Variants in DLG2 observed in about 807,000 individuals in gnomAD.
DLG2 encodes the protein discs large MAGUK scaffold protein 2, also known as disks large homolog 2.
A neutral mutation model predicts 132.5 loss-of-function variants in DLG2; 45 were observed. The ratio of observed to expected loss-of-function variants is 0.34; its 90% CI spans 0.27 to 0.44. DLG2 has a LOEUF of 0.44. DLG2 is among the 20% of genes least tolerant of loss of function. The pLI is 1.00. For missense variants in DLG2, 1,045 were observed against 1,196.9 expected (o/e 0.87, Z 1.87); for synonymous variants, 424 against 419.6 (o/e 1.01, Z -0.13).
intron 8 of DLG2, among the ~76,000 whole-genome samples, chr11:84,227,492 A>G (rs2097018721): frequency 6.6e-6 from 1 of 152,190 alleles, no homozygotes; most frequent in Non-Finnish European, 1.5e-5. Context: ...CTTTAATCAC[A>G]GCATCTGTAA....
At chr11:84,456,171 G>A (rs1429840018) in intron 7 of DLG2, among the ~76,000 whole-genome samples, 3 of 151,184 alleles carry the variant, frequency 2.0e-5, no homozygotes, top group Non-Finnish European at 3.0e-5. Context: ...GAAGCTGCAT[G>A]GACCAAATTT....
intron 4 of DLG2, among the ~76,000 whole-genome samples, chr11:85,248,277 T>G (rs2152690371): frequency 6.6e-6 from 1 of 152,258 alleles, no homozygotes; most frequent in East Asian, 1.9e-4. Flanking sequence ...CATCATTTGG[T>G]TCTGATGTCA....
chr11:84,445,802 G>C (rs2099032287), intron 7 of DLG2, among the ~76,000 whole-genome samples: 1 of 151,474 alleles, frequency 6.6e-6, no homozygotes, highest in Non-Finnish European at 1.5e-5. Context: ...TGTAGTCCCA[G>C]CTGCTCGGGA....
At chr11:84,845,217 C>T (rs1394801606) in intron 6 of DLG2, among the ~76,000 whole-genome samples, 1 of 152,010 alleles carries the variant, frequency 6.6e-6, no homozygotes, top group African/African-American at 2.4e-5. Flanking sequence ...ATTTGGTTAT[C>T]CAATTTATCT....
chr11:85,459,659 G>A (rs1196453099), intron 3 of DLG2, among the ~76,000 whole-genome samples: 5 of 152,170 alleles, frequency 3.3e-5, no homozygotes, highest in Admixed American at 2.6e-4. Flanking sequence ...GCTGTAGTGT[G>A]CTGGAGATGC....
At chr11:84,009,119 C>G (rs552627819) in intron 11 of DLG2, among the ~76,000 whole-genome samples, 1 of 151,890 alleles carries the variant, frequency 6.6e-6, no homozygotes, top group Middle Eastern at 3.4e-3. Flanking sequence ...TTTGATTCCT[C>G]TAGCTTTTAA....
intron 3 of DLG2, among the ~76,000 whole-genome samples, chr11:85,536,719 C>T (rs1382412316): frequency 2.6e-5 from 4 of 152,224 alleles, no homozygotes; most frequent in Non-Finnish European, 5.9e-5. Flanking sequence ...CTCAGGGCAG[C>T]GGGCTGATGC....
intron 6 of DLG2, among the ~76,000 whole-genome samples, chr11:85,027,436 G>A (rs745957666): frequency 3.9e-5 from 6 of 152,130 alleles, no homozygotes; most frequent in South Asian, 2.1e-4. Flanking sequence ...GGCAGGCAGC[G>A]CCTTCTGCCT....
At chr11:84,863,702 G>C (rs1024866527) in intron 6 of DLG2, among the ~76,000 whole-genome samples, 5 of 152,094 alleles carry the variant, frequency 3.3e-5, no homozygotes, top group Admixed American at 3.3e-4. Context: ...GAGATAAAAT[G>C]GAAAGATAAA....
chr11:84,750,666 T>C (rs1179822336), intron 6 of DLG2, among the ~76,000 whole-genome samples: 1 of 152,192 alleles, frequency 6.6e-6, no homozygotes, highest in Non-Finnish European at 1.5e-5. Flanking sequence ...ATAGTCATCA[T>C]TTCCCAGTTT....
At chr11:84,601,641 A>G (rs2099576705) in intron 6 of DLG2, among the ~76,000 whole-genome samples, 1 of 152,126 alleles carries the variant, frequency 6.6e-6, no homozygotes, top group African/African-American at 2.4e-5. Flanking sequence ...TAAAGAATAT[A>G]TAGTGACAAA....
chr11:84,501,263 T>C (rs1236299954), intron 7 of DLG2, among the ~76,000 whole-genome samples: 1 of 152,202 alleles, frequency 6.6e-6, no homozygotes, highest in African/African-American at 2.4e-5. Flanking sequence ...GATTCTGAAA[T>C]GTTTACATAA....
At chr11:84,182,480 G>A in intron 8 of DLG2, among the ~76,000 whole-genome samples, 1 of 150,950 alleles carries the variant, frequency 6.6e-6, no homozygotes, top group East Asian at 1.9e-4. Context: ...AGTGAGCCCT[G>A]ATCATGCTAC....
chr11:83,795,138 GC>G (rs2042468383), intron 17 of DLG2, among the ~76,000 whole-genome samples: 1 of 152,118 alleles, frequency 6.6e-6, no homozygotes, highest in African/African-American at 2.4e-5. Context: ...CAGGCGCGGT[GC>G]TCACGCCTGT....
intron 11 of DLG2, among the ~76,000 whole-genome samples, chr11:84,040,723 T>C (rs1260536257): frequency 1.3e-5 from 2 of 150,546 alleles, no homozygotes; most frequent in East Asian, 2.0e-4. Flanking sequence ...TGGTTCCATA[T>C]GAACTTTAAA....
chr11:84,574,899 A>G (rs56293038), intron 6 of DLG2, among the ~76,000 whole-genome samples: 18,352 of 152,092 alleles, frequency 0.12, 1,199 homozygotes, highest in Admixed American at 0.16. Flanking sequence ...GCCATTAACC[A>G]GCATCTACCC....
chr11:84,652,088 A>G (rs187293657), intron 6 of DLG2, among the ~76,000 whole-genome samples: 4 of 152,336 alleles, frequency 2.6e-5, no homozygotes, highest in Middle Eastern at 6.8e-3. Context: ...TTATGAAAGA[A>G]GCTATAAAAC....
At chr11:85,612,447 A>T (rs1473731832) in intron 2 of DLG2, among the ~76,000 whole-genome samples, 1 of 152,234 alleles carries the variant, frequency 6.6e-6, no homozygotes, top group Non-Finnish European at 1.5e-5. Context: ...CAGAGTTAGG[A>T]AAATTGCCTA....
chr11:84,606,428 T>C (rs556889161), intron 6 of DLG2, among the ~76,000 whole-genome samples: 1 of 152,298 alleles, frequency 6.6e-6, no homozygotes, highest in African/African-American at 2.4e-5. Context: ...TGTCTTTGTA[T>C]GGTGGACCTC....
Sources: allele counts gnomAD v4.1 joint callset (sites outside exome capture counted in the v4.1 genomes callset), GRCh38; gene constraint gnomAD v4.1.1; transcripts MANE v1.5; gene names NCBI Gene and HGNC (gene_info 2026-07-23, HGNC 2026-07-21).